The following PAX7 variants were observed in gnomAD, a reference collection of about 807,000 sequenced individuals.
PAX7 encodes paired box protein Pax-7.
PAX7 carries 18 observed loss-of-function variants against 50.7 expected under a neutral mutation model. That is an observed-to-expected ratio of 0.36 (90% CI 0.25 to 0.53). The LOEUF is 0.53. Ranked by LOEUF, PAX7 falls within the 20% of genes least tolerant of loss-of-function variation. PAX7 has a pLI of 0.93. For missense variants in PAX7, 644 were observed against 702.9 expected, an observed-to-expected ratio of 0.92 and a Z score of 0.95; for synonymous variants, 310 against 290.4, an observed-to-expected ratio of 1.07 and a Z score of -0.69.
intron 4 of PAX7, among the ~76,000 whole-genome samples, chr1:18,665,893 A>T (rs976777468): frequency 1.3e-5 from 2 of 150,192 alleles, no homozygotes. Flanking sequence ...GCTGGTCTCA[A>T]ACTCCTGACC....
chr1:18,638,428 T>C (rs1041334902), intron 4 of PAX7, among the ~76,000 whole-genome samples: 11 of 152,190 alleles, frequency 7.2e-5, no homozygotes, highest in African/African-American at 2.7e-4. Context: ...GGGTTTAAAG[T>C]GGAGCCTGTG....
chr1:18,706,145 T>C lies in PAX7; in HGVS notation c.1155+2849T>C, dbSNP rs373310001. ...CTCCCACTGCCCTCCCTCCTCACTCTGGGCAGGTGGACTTGACACCATCAG... is the reference window on the plus strand; with the variant it reads ...CTCCCACTGCCCTCCCTCCTCACTCCGGGCAGGTGGACTTGACACCATCAG... On this transcript the variant is annotated intron_variant, in intron 7 of 8. Transcript: ENST00000420770. Among the ~76,000 whole-genome samples, 3 of 152,180 alleles carry C rather than the reference T, an allele frequency of 2.0e-5. No homozygotes were observed. The East Asian group carries it at 5.8e-4, about 29-fold the overall frequency.
Position 18,711,001 on chromosome 1 carries a change from TCTC to T in PAX7, c.1155+7710_1155+7712del, listed in dbSNP as rs1163735681. Among the ~76,000 whole-genome samples, 2 of 152,172 alleles carry T rather than the reference TCTC, an allele frequency of 1.3e-5. 1 individual carries two copies. The highest frequency in any genetic ancestry group is 1.3e-4 in the Admixed American group (2 of 15,274). On this transcript the variant is annotated intron_variant, in intron 7 of 8. Coordinates refer to ENST00000420770, the MANE Select transcript of PAX7 (RefSeq NM_001135254.2). ...CTCTGCGCCCCGCCCAGCCCTTCCT[TCTC>T]CTCCCTTCCTGGGCGAGTCTCCTGC...
chr1:18,679,217 C>T (rs1268576672), intron 4 of PAX7, among the ~76,000 whole-genome samples: 1 of 152,266 alleles, frequency 6.6e-6, no homozygotes, highest in South Asian at 2.1e-4. Flanking sequence ...TGGCTGAGCC[C>T]GGAAGCAGGG....
chr1:18,680,936 G>A (rs2100266939), intron 4 of PAX7, among the ~76,000 whole-genome samples: 1 of 152,166 alleles, frequency 6.6e-6, no homozygotes, highest in Admixed American at 6.5e-5. Context: ...GGGAGGCTAA[G>A]GTGGGCAGAT....
intron 4 of PAX7, among the ~76,000 whole-genome samples, chr1:18,671,611 G>C (rs186138434): frequency 1.0e-3 from 158 of 152,192 alleles, no homozygotes; most frequent in African/African-American, 3.6e-3. Context: ...CAGCAGGCCT[G>C]GATTCAAATC....
rs567302976 is a variant in PAX7, at chr1:18,717,499, A to C, written c.1155+14203A>C. On this transcript the variant is annotated intron_variant, in intron 7 of 8. Coordinates refer to ENST00000420770, the MANE Select transcript of PAX7 (RefSeq NM_001135254.2). ...TCTCCTCGCTTAGCCAGCTCTGCTC[A>C]TCTCTCTGGTCTCAGCTCAGAGGTT... Among the ~76,000 whole-genome samples, 3 of 152,138 alleles carry C rather than the reference A, an allele frequency of 2.0e-5. No individual in the cohort carries two copies. In the East Asian group the frequency reaches 5.8e-4, roughly 29 times the overall value.
chr1:18,631,393 C>G lies in PAX7; in HGVS notation c.-211C>G. 1.7e-6 allele frequency: 1 copy of G among 572,790 alleles called. No individual in the cohort carries two copies. 35.5% of individuals were successfully genotyped at this position (572,790 alleles called of 1,614,324 possible). A position where few individuals can be genotyped will look rare whatever the true frequency, so the allele number is the denominator to read the frequency against. On this transcript the variant is annotated 5_prime_UTR_variant, in exon 1 of 9. Transcript: ENST00000420770. ...CCACCTTCCCTCCCCCCAACCTCCA[C>G]CCCACCTCACCCCCCTCCCCAGCTT... is the stretch of plus-strand genomic sequence containing the variant.
At chr1:18,712,152 T>TGATGGTCAGTGTGAATC (rs2089360673) in intron 7 of PAX7, among the ~76,000 whole-genome samples, 1 of 152,152 alleles carries the variant, frequency 6.6e-6, no homozygotes, top group Non-Finnish European at 1.5e-5. Flanking sequence ...CAGTGTGAAT[T>TGATGGTCAGTGTGAATC]GATGGTCAGT....
chr1:18,704,272 C>T (rs549947572), intron 7 of PAX7, among the ~76,000 whole-genome samples: 40 of 152,306 alleles, frequency 2.6e-4, no homozygotes, highest in African/African-American at 9.1e-4. Context: ...ACAGCCATGT[C>T]CATTTATGTA....
At chr1:18,693,628 G>A (rs1322470901) in intron 5 of PAX7, among the ~76,000 whole-genome samples, 2 of 152,212 alleles carry the variant, frequency 1.3e-5, no homozygotes, top group African/African-American at 2.4e-5. Flanking sequence ...CGCTTCCTTT[G>A]AGGGAGACCC....
chr1:18,711,777 A>G (rs1043370792), intron 7 of PAX7, among the ~76,000 whole-genome samples: 2 of 151,920 alleles, frequency 1.3e-5, no homozygotes, highest in Non-Finnish European at 2.9e-5. Flanking sequence ...CTTTCTCTTC[A>G]TGACCAGTGC....
In PAX7 at chr1:18,700,749, A is replaced by G; in HGVS notation, c.883A>G (p.Thr295Ala). The change falls in exon 6 of 9, where the codon ACC becomes GCC. Residue 295 changes from threonine to alanine, a missense_variant. By Grantham distance (58) the Thr-to-Ala change is moderately conservative. Transcript: ENST00000420770. This position sits in a 1 kb window ranked among gnomAD's most constrained non-coding sequence, Gnocchi z 4.8. ...NHLLPGGFPP[T>A]GMPTLPPYQL... ...CCTTCTGCCAGGAGGCTTCCCACCC[A>G]CCGGCATGCCCACGCTGCCCCCCTA... 15 of 1,596,246 alleles carry G rather than the reference A, an allele frequency of 9.4e-6. No individual in the cohort carries two copies. Among genetic ancestry groups the G allele is most frequent in the Non-Finnish European group, 1.3e-5 (15 of 1,172,446 alleles).
Position 18,636,099 on chromosome 1 carries a change from G to A in PAX7, c.452-138G>A. 1 of 876,278 alleles carries A rather than the reference G, an allele frequency of 1.1e-6. No individual in the cohort carries two copies. The highest frequency in any genetic ancestry group is 1.8e-6 in the Non-Finnish European group (1 of 555,474). The allele number at this position is 876,278 out of a possible 1,614,324, so 54.3% of individuals were successfully genotyped here. ...ATGGAGTACGTGTCAATGCCTAAAT[G>A]CCTGTGTGTGGAAGAGGGATGAATG... On this transcript the variant is annotated intron_variant, in intron 3 of 8. Coordinates refer to ENST00000420770, the MANE Select transcript of PAX7 (RefSeq NM_001135254.2). The surrounding 1 kb of genome is among the most constrained non-coding windows in gnomAD (Gnocchi z 5.1).
rs1352074958 is a variant in PAX7 at position 18,697,045 on chromosome 1, A to C, written c.787-3608A>C. On this transcript the variant is annotated intron_variant, in intron 5 of 8. Transcript: ENST00000420770. ...ATATGCATGCCTACTATGTAGCCAC[A>C]AAAACTAAAACTTAAAAAAAAGATA... Among the ~76,000 whole-genome samples, 3 of 152,148 alleles carry C rather than the reference A, an allele frequency of 2.0e-5. 1 individual carries two copies. The highest frequency in any genetic ancestry group is 7.2e-5 in the African/African-American group (3 of 41,418).
At position 18,636,275 on chromosome 1, in the gene PAX7, T is replaced by G. The variant is rs1170127932; in HGVS notation, c.490T>G (p.Phe164Val). Residue 164 changes from phenylalanine to valine, a missense_variant, in exon 4 of 9, where the codon TTC becomes GTC. By Grantham distance (50) the Phe-to-Val change is conservative (BLOSUM62 -1). Transcript: ENST00000420770. The surrounding 1 kb of genome is among the most constrained non-coding windows in gnomAD (Gnocchi z 5.1). ...GATTAGCCGCGTGCTCAGAATCAAG[T>G]TCGGGAAGAAAGAGGAGGAGGATGA... ...SSISRVLRIK[F>V]GKKEEEDEAD... The G allele has an allele frequency of 6.2e-7, 1 of 1,614,078 alleles. No individual in the cohort carries two copies. Among genetic ancestry groups the G allele is most frequent in the South Asian group, 1.1e-5 (1 of 91,066 alleles).
intron 7 of PAX7, among the ~76,000 whole-genome samples, chr1:18,716,583 T>C (rs1288123829): frequency 6.6e-6 from 1 of 151,050 alleles, no homozygotes; most frequent in Non-Finnish European, 1.5e-5. Flanking sequence ...TCGCGCCCCA[T>C]TTCCCTTCGC....
intron 7 of PAX7, among the ~76,000 whole-genome samples, chr1:18,727,350 C>CCTCTCT (rs56128615): frequency 9.6e-5 from 13 of 135,446 alleles, no homozygotes; most frequent in Non-Finnish European, 1.9e-4. Flanking sequence ...ACTCTCTCAT[C>CCTCTCT]CTCTCTCTCT....
At chr1:18,686,717 G>A (rs1440124305) in intron 4 of PAX7, among the ~76,000 whole-genome samples, 2 of 152,084 alleles carry the variant, frequency 1.3e-5, no homozygotes, top group African/African-American at 4.8e-5. Context: ...TGAGGTTGAT[G>A]TGGTGGCATT....
Sources: allele counts gnomAD v4.1 joint callset (sites outside exome capture counted in the v4.1 genomes callset), GRCh38; gene constraint gnomAD v4.1.1; non-coding constraint Gnocchi (gnomAD v3.1); transcripts MANE v1.5; gene names NCBI Gene and HGNC (gene_info 2026-07-23, HGNC 2026-07-21).